The following ENG variants were observed in gnomAD, a reference collection of about 807,000 sequenced individuals.
ENG encodes CD105 antigen.
ENG carries 17 observed loss-of-function variants against 71.0 expected under a neutral mutation model. The ratio of observed to expected loss-of-function variants is 0.24; its 90% CI spans 0.16 to 0.36. The LOEUF (loss-of-function observed/expected upper bound fraction) is 0.36. ENG is among the 10% of genes least tolerant of loss of function. The pLI is 1.00. For missense variants in ENG, 749 were observed against 868.3 expected, an observed-to-expected ratio of 0.86 and a Z score of 1.73; for synonymous variants, 360 against 366.9, an observed-to-expected ratio of 0.98 and a Z score of 0.21.
chr9:127,817,975 G>T, intron 12 of ENG, 145 bp downstream of exon 12: 1 of 1,361,980 alleles, frequency 7.3e-7, no homozygotes, highest in Non-Finnish European at 1.0e-6. Flanking sequence ...GCTGCTGGCA[G>T]CCAGACTGCC....
At chr9:127,824,168 T>G (rs1830541307) in intron 8 of ENG, 136 bp downstream of exon 8, 1 of 1,256,390 alleles carries the variant, frequency 8.0e-7, no homozygotes, top group East Asian at 2.4e-5. Context: ...AATTCCATTA[T>G]ACAAGTGGGA....
rs1830904796 is a variant in ENG at position 127,836,420 on chromosome 9, AG to A, written c.220-6594del. ...TTTCGGTGAGGAGGCCCTGAGTGCTAGTAGCCACTTATAGAAAGTCGCTTCC... is the reference window on the plus strand; with the variant it reads ...TTTCGGTGAGGAGGCCCTGAGTGCTATAGCCACTTATAGAAAGTCGCTTCC... On this transcript the variant is annotated intron_variant, in intron 2 of 14. Transcript: ENST00000373203. This position sits in a 1 kb window ranked among gnomAD's most constrained non-coding sequence, Gnocchi z 4.0. 6.6e-6 allele frequency among the ~76,000 whole-genome samples: 1 copy of A among 152,244 alleles called. No homozygotes were observed. The highest frequency in any genetic ancestry group is 2.1e-4 in the South Asian group (1 of 4,836).
intron 3 of ENG, among the ~76,000 whole-genome samples, chr9:127,827,595 T>G (rs41427545): frequency 1.3e-5 from 2 of 152,326 alleles, no homozygotes; most frequent in African/African-American, 4.8e-5. Context: ...GGCATTGAGC[T>G]GAATGAAACA....
At chr9:127,824,724 G>C in intron 7 of ENG, 76 bp downstream of exon 7, 2 of 1,419,890 alleles carry the variant, frequency 1.4e-6, no homozygotes, top group Non-Finnish European at 1.9e-6. Context: ...AGCTCACACA[G>C]AGGTGCTTCA....
At chr9:127,832,223 T>G (rs184603704) in intron 2 of ENG, among the ~76,000 whole-genome samples, 282 of 151,838 alleles carry the variant, frequency 1.9e-3, no homozygotes, top group African/African-American at 6.1e-3. Context: ...TACAGGCGAT[T>G]GCCACCATGC....
At chr9:127,816,324 G>T in intron 13 of ENG, 1 of 545,156 alleles carries the variant, frequency 1.8e-6, no homozygotes, top group Non-Finnish European at 3.3e-6. Flanking sequence ...GGCGTTTTCA[G>T]GGAGGATGGA....
Position 127,818,179 on chromosome 9 carries a change from T to C in ENG, c.1627A>G (p.Lys543Glu). Residue 543 changes from lysine to glutamate, a missense_variant, in exon 12 of 15, where the codon AAA (lysine) becomes GAA (glutamate). Lys to Glu is a moderately conservative substitution (Grantham distance 56). Transcript: ENST00000373203. Reference protein sequence around the residue: ...LLHFYTVPIPKTGTLSCTVAL... With the variant: ...LLHFYTVPIPETGTLSCTVAL... The stretch of plus-strand genomic sequence containing the variant: ...ACCGTGCAGCTGAGGGTGCCGGTTT[T>C]GGGTATGGGTACTGTGTAGAAGTGG... The C allele has an allele frequency of 6.2e-7, 1 of 1,614,208 alleles. No homozygotes were observed. Among genetic ancestry groups the C allele is most frequent in the Admixed American group, 1.7e-5 (1 of 60,028 alleles).
rs1308765052 is a variant in ENG, at chr9:127,824,292, G to T, written c.1134+12C>A. On this transcript the variant is annotated intron_variant, in intron 8 of 14. Coordinates refer to ENST00000373203, the MANE Select transcript of ENG (RefSeq NM_001114753.3). ...ATGTCATCCTGAGCCAGAGGGGCAG[G>T]AGTTCCCTTACCGCAACAAGCTCTT... 6.2e-7 allele frequency: 1 copy of T among 1,614,116 alleles called. No homozygotes were observed. Among genetic ancestry groups the T allele is most frequent in the African/African-American group, 1.3e-5 (1 of 75,038 alleles).
At chr9:127,851,567 C>T (rs1831286766) in intron 1 of ENG, among the ~76,000 whole-genome samples, 2 of 151,964 alleles carry the variant, frequency 1.3e-5, no homozygotes, top group South Asian at 4.2e-4. Context: ...CCCAACATGA[C>T]AGGAAAGTGT....
chr9:127,854,572 G>A lies in ENG; in HGVS notation c.-217C>T. 3.1e-5 allele frequency: 18 copies of A among 573,512 alleles called. No individual in the cohort carries two copies. The South Asian group carries it at 3.4e-4, about 11-fold the overall frequency. The allele number at this position is 573,512 out of a possible 1,614,324, so 35.5% of individuals were successfully genotyped here. ...GCTGGGCTGGAGTTGCTGTCCGAAGGATGGGCGGGGAGGGGGTGCTGGGCT... is the reference window on the plus strand; with the variant it reads ...GCTGGGCTGGAGTTGCTGTCCGAAGAATGGGCGGGGAGGGGGTGCTGGGCT... On this transcript the variant is annotated 5_prime_UTR_variant, in exon 1 of 15. Transcript: ENST00000373203.
At chr9:127,843,041 C>G (rs1831077630) in intron 2 of ENG, 53 bp downstream of exon 2, 1 of 1,612,462 alleles carries the variant, frequency 6.2e-7, no homozygotes, top group African/African-American at 1.3e-5. Context: ...CTCACCCCAT[C>G]TGCCTTGGAG....
At chr9:127,816,813 A>G (rs1830330390) in intron 13 of ENG, 1 of 431,100 alleles carries the variant, frequency 2.3e-6, no homozygotes, top group African/African-American at 2.0e-5. Context: ...CCCACCCTCA[A>G]AGGGCCTCTG....
rs1210577382 is a variant in ENG, at chr9:127,825,309, A to T, written c.738T>A (p.Asp246Glu). The T allele has an allele frequency of 1.2e-6, 2 of 1,610,540 alleles. No individual in the cohort carries two copies. The highest frequency in any genetic ancestry group is 1.7e-6 in the Non-Finnish European group (2 of 1,179,374). Residue 246 changes from aspartate (D) to glutamate (E), a missense_variant, in exon 6 of 15, where the codon GAT becomes GAA. By Grantham distance (45) the Asp-to-Glu change is conservative. Coordinates refer to ENST00000373203, the MANE Select transcript of ENG (RefSeq NM_001114753.3). ...CCTGCAGGATGAGGACGGCATCGAG[A>T]TCCCCGGGTGCGCAGCTCAGTTCCA... ...VKVELSCAPG[D>E]LDAVLILQGP...
In ENG at chr9:127,815,228, G is replaced by A. The variant is rs894147346; in HGVS notation, c.*454C>T. On this transcript the variant is annotated 3_prime_UTR_variant, in exon 15 of 15. Transcript: ENST00000373203. ...TCTCCCCTGCCAGTTAGTTAGGCAA[G>A]TTCAGGTGTGGAGGCCGCAGGGATA... 6.3e-6 allele frequency: 1 copy of A among 159,888 alleles called. No homozygotes were observed. Among genetic ancestry groups the A allele is most frequent in the African/African-American group, 2.4e-5 (1 of 41,582 alleles). 9.9% of individuals were successfully genotyped at this position (159,888 alleles called of 1,614,324 possible). A position where few individuals can be genotyped will look rare whatever the true frequency, so the allele number is the denominator to read the frequency against.
At chr9:127,840,264 C>T (rs535767084) in intron 2 of ENG, among the ~76,000 whole-genome samples, 1 of 152,360 alleles carries the variant, frequency 6.6e-6, no homozygotes, top group African/African-American at 2.4e-5. Flanking sequence ...GCGGCGCACA[C>T]ATTTGTGCAC....
chr9:127,842,381 A>G (rs1831056452), intron 2 of ENG, among the ~76,000 whole-genome samples: 1 of 150,838 alleles, frequency 6.6e-6, no homozygotes, highest in African/African-American at 2.4e-5. Context: ...GGCATGCGCC[A>G]CTATGCCTAG....
intron 2 of ENG, among the ~76,000 whole-genome samples, chr9:127,835,062 C>T (rs891779567): frequency 2.6e-5 from 4 of 152,020 alleles, no homozygotes; most frequent in South Asian, 2.1e-4. Flanking sequence ...AGTACAGTGG[C>T]GTGATTGCTC....
intron 8 of ENG, among the ~76,000 whole-genome samples, chr9:127,822,187 A>G (rs1830484651): frequency 1.3e-5 from 2 of 152,244 alleles, no homozygotes; most frequent in Non-Finnish European, 2.9e-5. Flanking sequence ...AAAAATACCA[A>G]GCCTCAATGA....
chr9:127,817,573 C>G (rs1001930129), intron 12 of ENG, among the ~76,000 whole-genome samples: 1 of 152,132 alleles, frequency 6.6e-6, no homozygotes, highest in Non-Finnish European at 1.5e-5. Flanking sequence ...TGAAGGCTTC[C>G]CTAGCTTCCT....
Sources: allele counts gnomAD v4.1 joint callset (sites outside exome capture counted in the v4.1 genomes callset), GRCh38; gene constraint gnomAD v4.1.1; non-coding constraint Gnocchi (gnomAD v3.1); transcripts MANE v1.5; gene names NCBI Gene and HGNC (gene_info 2026-07-23, HGNC 2026-07-21).